CCDC171: variants seen among roughly 807,000 people sequenced by gnomAD.
CCDC171 encodes coiled-coil domain containing 171.
A neutral mutation model predicts 168.2 loss-of-function variants in CCDC171; 177 were observed. The ratio of observed to expected loss-of-function variants is 1.05; its 90% CI spans 0.93 to 1.19. CCDC171 has a LOEUF of 1.19. Among genes scored for constraint, CCDC171 ranks in the 50% most tolerant of loss-of-function variants. CCDC171 has a pLI of 0.00. For missense variants in CCDC171, 1,991 were observed against 1,539.0 expected, an observed-to-expected ratio of 1.29 and a Z score of -4.91; for synonymous variants, 687 against 540.8, an observed-to-expected ratio of 1.27 and a Z score of -3.75.
intron 8 of CCDC171, among the ~76,000 whole-genome samples, chr9:15,658,595 A>G (rs1049857357): frequency 6.6e-6 from 1 of 152,188 alleles, no homozygotes. Flanking sequence ...CAGTTTATCT[A>G]GTTGAGACTG....
chr9:15,961,694 C>G (rs932146349), intron 25 of CCDC171, among the ~76,000 whole-genome samples: 1 of 151,964 alleles, frequency 6.6e-6, no homozygotes, highest in Non-Finnish European at 1.5e-5. Flanking sequence ...CATTTTAGAG[C>G]CATAACTATA....
Position 15,779,071 on chromosome 9 carries a change from A to G in CCDC171, c.3002A>G (p.Lys1001Arg). ...RSLRLEVTEF[K>R]RSVNEMKKEL... is the part of the protein sequence containing the mutation. ...CTACGCTTAGAGGTCACAGAATTCA[A>G]ACGAAGTGTGAATGAAATGAAAAAG... The change falls in exon 20 of 26, where the codon AAA becomes AGA. Residue 1001 changes from lysine (K) to arginine (R), a missense_variant. By Grantham distance (26) the Lys-to-Arg change is conservative. Coordinates refer to ENST00000380701, the MANE Select transcript of CCDC171 (RefSeq NM_173550.4). 1.9e-6 allele frequency: 3 copies of G among 1,605,168 alleles called. No individual in the cohort carries two copies. Among genetic ancestry groups the G allele is most frequent in the Non-Finnish European group, 1.7e-6 (2 of 1,176,084 alleles).
Position 15,721,782 on chromosome 9 carries a change from C to A in CCDC171, c.1332C>A (p.Asp444Glu), listed in dbSNP as rs765005323. 2 of 1,552,130 alleles carry A rather than the reference C, an allele frequency of 1.3e-6. No individual in the cohort carries two copies. The highest frequency in any genetic ancestry group is 2.4e-5 in the East Asian group (1 of 40,950). Residue 444 changes from aspartate to glutamate, a missense_variant, in exon 12 of 26, where the codon GAC (aspartate) becomes GAA (glutamate). Coordinates refer to ENST00000380701, the MANE Select transcript of CCDC171 (RefSeq NM_173550.4). ...SGQWTSGIHK[D>E]KDKPPSFSVV... ...ATTTTTCTCTAGGCATCCACAAGGA[C>A]AAAGATAAACCTCCCAGCTTCTCTG... is the stretch of plus-strand genomic sequence containing the variant.
At chr9:16,013,513 C>CATGT (rs1407795193) in intron 3 of CCDC171, among the ~76,000 whole-genome samples, 1 of 152,218 alleles carries the variant, frequency 6.6e-6, no homozygotes, top group East Asian at 1.9e-4. Context: ...GAGGCAGGAG[C>CATGT]ATGTAGCATG....
At chr9:15,905,459 G>A (rs1222288043) in intron 24 of CCDC171, among the ~76,000 whole-genome samples, 7 of 152,030 alleles carry the variant, frequency 4.6e-5, no homozygotes. Flanking sequence ...AAATAAAGAT[G>A]TTCTTTGAAA....
the CCDC171 span, among the ~76,000 whole-genome samples, chr9:16,098,991 G>A: frequency 6.6e-6 from 1 of 152,120 alleles, no homozygotes; most frequent in Non-Finnish European, 1.5e-5. Context: ...GATATAATAA[G>A]CCCTTATTTG....
the CCDC171 span, among the ~76,000 whole-genome samples, chr9:16,095,890 A>ATATATG: frequency 6.9e-6 from 1 of 145,412 alleles, no homozygotes; most frequent in Non-Finnish European, 1.5e-5. Flanking sequence ...ATATATATAT[A>ATATATG]TATATATATA....
chr9:15,566,221 T>C (rs1008706667), intron 2 of CCDC171, among the ~76,000 whole-genome samples: 2 of 151,996 alleles, frequency 1.3e-5, no homozygotes, highest in Non-Finnish European at 2.9e-5. Flanking sequence ...TTATTGAGCT[T>C]TAGGAGTGTT....
chr9:15,998,113 C>A (rs1832426721), intron 3 of CCDC171, among the ~76,000 whole-genome samples: 1 of 152,166 alleles, frequency 6.6e-6, no homozygotes, highest in Non-Finnish European at 1.5e-5. Flanking sequence ...GAATGGGATA[C>A]ACCAAGTCCC....
chr9:15,843,580 A>G (rs573322403), intron 21 of CCDC171, among the ~76,000 whole-genome samples: 3 of 152,220 alleles, frequency 2.0e-5, no homozygotes, highest in South Asian at 2.1e-4. Context: ...CTCAGACACA[A>G]TTACAGAGCT....
intron 21 of CCDC171, among the ~76,000 whole-genome samples, chr9:15,810,764 T>G (rs2059316924): frequency 6.6e-6 from 1 of 152,154 alleles, no homozygotes; most frequent in South Asian, 2.1e-4. Flanking sequence ...CGCGCAGCCC[T>G]GGTTCCCGCC....
Position 15,874,546 on chromosome 9 carries a change from C to G in CCDC171, c.3483C>G (p.Ile1161Met), listed in dbSNP as rs1462571910. The change falls in exon 24 of 26, where the codon ATC (isoleucine) becomes ATG (methionine). Residue 1161 changes from isoleucine (I) to methionine (M), a missense_variant. Transcript: ENST00000380701. ...ENTLHKVRDQ[I>M]SLSWSAASRN... ...TTTCCCTTTAGGTCAGAGATCAGATCTCGCTGTCATGGTCTGCGGCAAGTA... is the reference window on the plus strand; with the variant it reads ...TTTCCCTTTAGGTCAGAGATCAGATGTCGCTGTCATGGTCTGCGGCAAGTA... 5.0e-6 allele frequency: 8 copies of G among 1,602,552 alleles called. No homozygotes were observed. In the South Asian group the frequency reaches 7.9e-5, roughly 16 times the overall value.
chr9:15,810,522 G>A (rs1188833846), intron 21 of CCDC171, among the ~76,000 whole-genome samples: 1 of 152,134 alleles, frequency 6.6e-6, no homozygotes. Flanking sequence ...CGGGCATGGC[G>A]GGCTGCAGGT....
chr9:15,759,329 T>A (rs1473076637), intron 18 of CCDC171, among the ~76,000 whole-genome samples: 1 of 152,224 alleles, frequency 6.6e-6, no homozygotes, highest in South Asian at 2.1e-4. Context: ...CCTCTTGTTT[T>A]AGTATGCATT....
chr9:16,099,272 G>C, the CCDC171 span, among the ~76,000 whole-genome samples: 1 of 152,158 alleles, frequency 6.6e-6, no homozygotes, highest in Non-Finnish European at 1.5e-5. Flanking sequence ...GTGCCATTGG[G>C]GTGCACCCTG....
rs141980719 is a variant in CCDC171 at position 15,609,072 on chromosome 9, A to G, written c.676-14195A>G. Among the ~76,000 whole-genome samples the G allele has an allele frequency of 6.2e-3, 934 of 150,014 alleles. 8 individuals carry two copies. Among genetic ancestry groups the G allele is most frequent in the African/African-American group, 0.022 (907 of 41,018 alleles). On this transcript the variant is annotated intron_variant, in intron 6 of 25. Coordinates refer to ENST00000380701, the MANE Select transcript of CCDC171 (RefSeq NM_173550.4). ...TCTTCTTTGTAGAGACAGAGAGGCA[A>G]TTTACATTATGTATGATGAACAGTT...
intron 24 of CCDC171, among the ~76,000 whole-genome samples, chr9:15,890,052 A>C (rs1265813937): frequency 6.6e-6 from 1 of 152,208 alleles, no homozygotes; most frequent in Non-Finnish European, 1.5e-5. Flanking sequence ...CAAAATGGCC[A>C]GCTCTGTTGA....
In CCDC171 at chr9:15,744,759, G is replaced by C. The variant is rs202119075; in HGVS notation, c.2536G>C (p.Asp846His). The C allele has an allele frequency of 1.0e-4, 165 of 1,606,730 alleles. No homozygotes were observed. In the African/African-American group the frequency reaches 2.1e-3, roughly 20 times the overall value. ...GTTAGTGTGCACAGGAGAGCCCCAA[G>C]ACAAGCATAAATTTCCAAGTAAGAT... Reference protein sequence around the residue: ...GMLVCTGEPQDKHKFPKHQKE... With the variant: ...GMLVCTGEPQHKHKFPKHQKE... Residue 846 changes from aspartate to histidine, a missense_variant, in exon 17 of 26, where the codon GAC (aspartate) becomes CAC (histidine). Asp to His is a moderately conservative substitution (Grantham distance 81, BLOSUM62 -1). Coordinates refer to ENST00000380701, the MANE Select transcript of CCDC171 (RefSeq NM_173550.4).
intron 10 of CCDC171, among the ~76,000 whole-genome samples, chr9:15,687,994 C>T (rs774300619): frequency 6.6e-6 from 1 of 151,880 alleles, no homozygotes; most frequent in Non-Finnish European, 1.5e-5. Context: ...TGGCGCATGC[C>T]TGTAGTCCCA....
Sources: gnomAD v4.1 joint callset for allele counts (sites outside exome capture counted in the v4.1 genomes callset) on GRCh38, gnomAD v4.1.1 for gene constraint, MANE v1.5 for transcripts, NCBI Gene and HGNC (gene_info 2026-07-23, HGNC 2026-07-21) for gene names.